Variants in FER observed in about 807,000 individuals in gnomAD.
The protein encoded by FER is tyrosine-protein kinase Fer.
In FER, 63 loss-of-function variants were observed where a neutral mutation model predicts 111.0. The ratio of observed to expected loss-of-function variants is 0.57; its 90% CI spans 0.46 to 0.70. The LOEUF is 0.70. Ranked by LOEUF, FER falls within the 30% of genes least tolerant of loss-of-function variation. The pLI, the probability that FER is intolerant of heterozygous loss-of-function variation, is 0.00. For synonymous variants in FER, 327 were observed against 313.9 expected, an observed-to-expected ratio of 1.04 and a Z score of -0.44; for missense variants, 914 against 954.0, an observed-to-expected ratio of 0.96 and a Z score of 0.55.
rs1260939712 is a variant in FER at position 108,996,402 on chromosome 5, A to G, written c.1656+37055A>G. Among the ~76,000 whole-genome samples, 5 of 152,282 alleles carry G rather than the reference A, an allele frequency of 3.3e-5. No homozygotes were observed. In the South Asian group the frequency reaches 1.0e-3, roughly 32 times the overall value. Reference sequence around the variant, plus strand: ...GGGTTTTTATTGTTTTAGGTCTTACATTTAAGTATTTAATCCATCTTGAGT... The same window carrying G: ...GGGTTTTTATTGTTTTAGGTCTTACGTTTAAGTATTTAATCCATCTTGAGT... On this transcript the variant is annotated intron_variant, in intron 13 of 19. Coordinates refer to ENST00000281092, the MANE Select transcript of FER (RefSeq NM_005246.4).
chr5:109,047,220 T>C, intron 16 of FER, 22 bp downstream of exon 16: 1 of 1,364,440 alleles, frequency 7.3e-7, no homozygotes, highest in African/African-American at 1.4e-5. Flanking sequence ...TGAGAATTTT[T>C]GCATGATGAC....
rs143095044 is a variant in FER at position 109,071,271 on chromosome 5, G to C, written c.1924+24073G>C. 7.9e-5 allele frequency among the ~76,000 whole-genome samples: 12 copies of C among 152,080 alleles called. No individual in the cohort carries two copies. In the East Asian group the frequency reaches 2.3e-3, roughly 29 times the overall value. ...TTTTTCATCATCTTTGACAGTCTTT[G>C]AGAATATTAGCTAGATGTCCATGGA... On this transcript the variant is annotated intron_variant, in intron 16 of 19. Transcript: ENST00000281092.
At chr5:108,894,570 T>C in intron 9 of FER, 1 of 410,724 alleles carries the variant, frequency 2.4e-6, no homozygotes, top group South Asian at 2.2e-5. Context: ...GCTCAGGTCA[T>C]TCTTGAGTTC....
chr5:108,780,184 C>G (rs975170227), intron 2 of FER, among the ~76,000 whole-genome samples: 1 of 152,126 alleles, frequency 6.6e-6, no homozygotes, highest in Non-Finnish European at 1.5e-5. Context: ...ACTTATTCAT[C>G]TCCAGTACTT....
rs113926873 is a variant in FER at position 109,140,454 on chromosome 5, G to A, written c.2048+39935G>A. Among the ~76,000 whole-genome samples the A allele has an allele frequency of 2.0e-5, 3 of 152,282 alleles. 1 individual carries two copies. Among genetic ancestry groups the A allele is most frequent in the African/African-American group, 7.2e-5 (3 of 41,568 alleles). Reference sequence around the variant, plus strand: ...ATCATTTGTAAGAGTATGATCAGTGGTGTGTTGCTATGAGCCCGTGAAATA... The same window carrying A: ...ATCATTTGTAAGAGTATGATCAGTGATGTGTTGCTATGAGCCCGTGAAATA... On this transcript the variant is annotated intron_variant, in intron 17 of 19. Coordinates refer to ENST00000281092, the MANE Select transcript of FER (RefSeq NM_005246.4).
intron 1 of FER, among the ~76,000 whole-genome samples, chr5:108,755,610 C>A (rs539369630): frequency 6.6e-6 from 1 of 151,882 alleles, no homozygotes; most frequent in Non-Finnish European, 1.5e-5. Flanking sequence ...CTCAGCCTCC[C>A]GAGTAGCTGG....
rs182138507 is a variant in FER at position 109,196,147 on chromosome 5, T to C, written c.*8572T>C. ...TGAAAGCCAAGACAAAATGTACAAA[T>C]GGTGCCCATGCCATTCATTTGACTG... On this transcript the variant is annotated 3_prime_UTR_variant, in exon 20 of 20. Coordinates refer to ENST00000281092, the MANE Select transcript of FER (RefSeq NM_005246.4). The C allele has an allele frequency of 2.0e-5, 3 of 152,356 alleles. No individual in the cohort carries two copies. Among genetic ancestry groups the C allele is most frequent in the Non-Finnish European group, 4.4e-5 (3 of 68,034 alleles). The allele number at this position is 152,356 out of a possible 1,614,324, so 9.4% of individuals were successfully genotyped here. A position where few individuals can be genotyped will look rare whatever the true frequency, so the allele number is the denominator to read the frequency against.
At chr5:108,926,888 T>C (rs1032982982) in intron 10 of FER, among the ~76,000 whole-genome samples, 1 of 152,186 alleles carries the variant, frequency 6.6e-6, no homozygotes, top group Non-Finnish European at 1.5e-5. Flanking sequence ...CTTACCACCA[T>C]AAAGTACATA....
intron 3 of FER, among the ~76,000 whole-genome samples, chr5:108,831,874 T>C (rs1400284669): frequency 1.3e-5 from 2 of 152,232 alleles, no homozygotes; most frequent in African/African-American, 4.8e-5. Context: ...ACTTTGCTCA[T>C]TTAAAAAATA....
intron 17 of FER, among the ~76,000 whole-genome samples, chr5:109,150,531 A>T (rs1200191512): frequency 6.6e-6 from 1 of 152,220 alleles, no homozygotes; most frequent in African/African-American, 2.4e-5. Context: ...CTTCTCTGAC[A>T]CTGCTCTGGA....
intron 5 of FER, among the ~76,000 whole-genome samples, chr5:108,867,515 T>C (rs1432560721): frequency 6.6e-6 from 1 of 152,094 alleles, no homozygotes; most frequent in East Asian, 1.9e-4. Context: ...CTGTACTTTT[T>C]TGTGTTTTAC....
At chr5:108,806,051 T>C (rs562927333) in intron 3 of FER, among the ~76,000 whole-genome samples, 1 of 152,214 alleles carries the variant, frequency 6.6e-6, no homozygotes, top group East Asian at 1.9e-4. Flanking sequence ...AAACATGGTA[T>C]TGTGGGCCAA....
At chr5:109,135,927 C>A (rs1039279013) in intron 17 of FER, among the ~76,000 whole-genome samples, 1 of 152,070 alleles carries the variant, frequency 6.6e-6, no homozygotes, top group East Asian at 1.9e-4. Context: ...CTGCTTGGCC[C>A]GGGCCATCCC....
At chr5:108,863,089 T>C (rs367848945) in intron 5 of FER, among the ~76,000 whole-genome samples, 13 of 152,202 alleles carry the variant, frequency 8.5e-5, no homozygotes, top group African/African-American at 3.1e-4. Context: ...TGGAAGGCTG[T>C]GGGCTGGCCA....
At chr5:109,055,621 T>C (rs1193110919) in intron 16 of FER, among the ~76,000 whole-genome samples, 2 of 151,092 alleles carry the variant, frequency 1.3e-5, no homozygotes, top group African/African-American at 2.4e-5. Flanking sequence ...CCTGTCTCTA[T>C]GACTTTTTTT....
chr5:109,122,288 G>T (rs1384069970), intron 17 of FER, among the ~76,000 whole-genome samples: 1 of 151,930 alleles, frequency 6.6e-6, no homozygotes, highest in Non-Finnish European at 1.5e-5. Context: ...AATTGTAGCA[G>T]GACATTTTTT....
intron 10 of FER, among the ~76,000 whole-genome samples, chr5:108,921,409 C>T (rs533087081): frequency 1.3e-5 from 2 of 152,206 alleles, no homozygotes; most frequent in South Asian, 4.1e-4. Flanking sequence ...TAAACTGTAG[C>T]TCTCAGAAGG....
chr5:108,854,647 T>G (rs1414210414), intron 5 of FER, among the ~76,000 whole-genome samples: 7 of 152,120 alleles, frequency 4.6e-5, no homozygotes, highest in Non-Finnish European at 1.0e-4. Context: ...ATATTGAAAG[T>G]AGAGCGGGCT....
At chr5:108,941,418 C>T (rs1279250737) in intron 10 of FER, among the ~76,000 whole-genome samples, 1 of 152,044 alleles carries the variant, frequency 6.6e-6, no homozygotes, top group Non-Finnish European at 1.5e-5. Flanking sequence ...AAATTTGACC[C>T]ATAGGCAAGA....
Sources: allele counts gnomAD v4.1 joint callset (sites outside exome capture counted in the v4.1 genomes callset), GRCh38; gene constraint gnomAD v4.1.1; transcripts MANE v1.5; gene names NCBI Gene and HGNC (gene_info 2026-07-23, HGNC 2026-07-21).